FDFT1: variants seen among roughly 807,000 people sequenced by gnomAD.
FDFT1 encodes farnesyl-diphosphate farnesyltransferase 1.
In FDFT1, 68 loss-of-function variants were observed where a neutral mutation model predicts 46.8. That is an observed-to-expected ratio of 1.45 (90% CI 1.19 to 1.78). The LOEUF (loss-of-function observed/expected upper bound fraction) is 1.78, where lower values mean the gene tolerates loss of function less well. Among genes scored for constraint, FDFT1 ranks in the 40% most tolerant of loss-of-function variants. FDFT1 has a pLI of 0.00. For synonymous variants in FDFT1, 351 were observed against 185.1 expected, an observed-to-expected ratio of 1.90 and a Z score of -7.28; for missense variants, 928 against 524.4, an observed-to-expected ratio of 1.77 and a Z score of -7.52.
Position 11,838,778 on chromosome 8 carries a change from A to G in FDFT1, c.*169A>G, listed in dbSNP as rs1811929416. 3.2e-6 allele frequency: 2 copies of G among 623,654 alleles called. No individual in the cohort carries two copies. Among genetic ancestry groups the G allele is most frequent in the Non-Finnish European group, 5.7e-6 (2 of 352,592 alleles). The allele number at this position is 623,654 out of a possible 1,614,324, so 38.6% of individuals were successfully genotyped here. A position where few individuals can be genotyped will look rare whatever the true frequency, so the allele number is the denominator to read the frequency against. ...AAATGCAGGTGAGAAGAACCTAAAC[A>G]TGAAAGGAAAGGGTGCCTCATCCCA... On this transcript the variant is annotated 3_prime_UTR_variant, in exon 8 of 8. Coordinates refer to ENST00000220584, the MANE Select transcript of FDFT1 (RefSeq NM_004462.5).
At chr8:11,825,884 A>G (rs1038000092) in intron 4 of FDFT1, 140 bp from the exon 5 acceptor site, 7 of 464,054 alleles carry the variant, frequency 1.5e-5, no homozygotes, top group Non-Finnish European at 2.7e-5. Flanking sequence ...AAATCCTGGT[A>G]TGTATATTTG....
intron 1 of FDFT1, among the ~76,000 whole-genome samples, chr8:11,807,393 G>T (rs568808755): frequency 6.6e-6 from 1 of 152,264 alleles, no homozygotes; most frequent in Admixed American, 6.5e-5. Context: ...AAATTCCTGG[G>T]CTCAAGTGAT....
At chr8:11,835,971 T>TAAAAAA (rs755611965) in intron 7 of FDFT1, among the ~76,000 whole-genome samples, 7,820 of 63,780 alleles carry the variant, frequency 0.12, 1,525 homozygotes, top group East Asian at 0.47. Flanking sequence ...CTGTCTCTAC[T>TAAAAAA]AAAAAAAAAA....
At chr8:11,838,084 C>G (rs1274408348) in intron 7 of FDFT1, among the ~76,000 whole-genome samples, 1 of 152,192 alleles carries the variant, frequency 6.6e-6, no homozygotes, top group Non-Finnish European at 1.5e-5. Context: ...GGGCCTGGCA[C>G]TGTGAGGTGC....
intron 1 of FDFT1, among the ~76,000 whole-genome samples, chr8:11,804,251 T>G (rs1197871834): frequency 6.6e-6 from 1 of 152,236 alleles, no homozygotes; most frequent in South Asian, 2.1e-4. Context: ...CAGTCAGACC[T>G]CATTTGGGTC....
At chr8:11,795,809 C>T (rs11997632) in exon 1 of FDFT1, 1 of 152,068 alleles carries the variant, frequency 6.6e-6, no homozygotes, top group Non-Finnish European at 1.5e-5. Context: ...CGGTCTGCAG[C>T]TTCACTCCTG....
intron 1 of FDFT1, among the ~76,000 whole-genome samples, chr8:11,804,498 T>C (rs1371386780): frequency 6.6e-6 from 1 of 152,164 alleles, no homozygotes; most frequent in Non-Finnish European, 1.5e-5. Context: ...TCTGGGCAGT[T>C]TTTACATCCC....
chr8:11,812,706 T>C (rs928523418), intron 3 of FDFT1, among the ~76,000 whole-genome samples: 2 of 152,200 alleles, frequency 1.3e-5, no homozygotes, highest in Non-Finnish European at 2.9e-5. Context: ...TGTCCTCTTA[T>C]CCCAGGCCTT....
intron 3 of FDFT1, among the ~76,000 whole-genome samples, chr8:11,817,473 C>T (rs376485252): frequency 9.7e-4 from 147 of 152,184 alleles, no homozygotes; most frequent in South Asian, 6.6e-3. Flanking sequence ...TGGTAGAATT[C>T]GGCTGTGAAT....
intron 7 of FDFT1, among the ~76,000 whole-genome samples, chr8:11,837,719 G>C (rs778842487): frequency 6.6e-6 from 1 of 152,152 alleles, no homozygotes; most frequent in Admixed American, 6.5e-5. Context: ...TGGTGACAGT[G>C]TAGAGCAGAC....
At chr8:11,824,237 T>A (rs1809655871) in intron 4 of FDFT1, among the ~76,000 whole-genome samples, 1 of 152,160 alleles carries the variant, frequency 6.6e-6, no homozygotes, top group African/African-American at 2.4e-5. Context: ...TAATAGACAA[T>A]TATTGTATGT....
upstream of FDFT1, among the ~76,000 whole-genome samples, chr8:11,799,138 A>G (rs1294869768): frequency 2.0e-5 from 3 of 152,242 alleles, no homozygotes; most frequent in African/African-American, 4.8e-5. Flanking sequence ...TGAATGCATT[A>G]CAATTACACC....
intron 7 of FDFT1, among the ~76,000 whole-genome samples, chr8:11,836,693 C>T (rs1811578417): frequency 6.6e-6 from 1 of 152,236 alleles, no homozygotes; most frequent in Admixed American, 6.5e-5. Context: ...AGGATGACTT[C>T]TAATAGAATT....
chr8:11,795,728 G>A (rs1361643105), exon 1 of FDFT1: 1 of 152,170 alleles, frequency 6.6e-6, no homozygotes, highest in South Asian at 2.1e-4. Context: ...AAGCCAGTAA[G>A]ACAACGAACC....
rs1809901008 is a variant in FDFT1 at position 11,825,872 on chromosome 8, T to C, written c.511-152T>C. ...TGAGCACATCCTTCTTGAATGTTTT[T>C]TAAATCCTGGTATGTATATTTGTAT... On this transcript the variant is annotated intron_variant, in intron 4 of 7. Transcript: ENST00000220584. 2.0e-5 allele frequency: 9 copies of C among 443,618 alleles called. No individual in the cohort carries two copies. In the East Asian group the frequency reaches 2.7e-4, roughly 13 times the overall value. 27.5% of individuals were successfully genotyped at this position (443,618 alleles called of 1,614,324 possible). A position where few individuals can be genotyped will look rare whatever the true frequency, so the allele number is the denominator to read the frequency against.
chr8:11,830,134 C>T (rs1424147583), intron 5 of FDFT1, 110 bp from the exon 6 acceptor site: 21 of 915,708 alleles, frequency 2.3e-5, no homozygotes, highest in South Asian at 1.5e-4. Flanking sequence ...GCGTGAGCCA[C>T]GGCGCCCAGC....
chr8:11,830,601 C>G (rs1017173872), intron 6 of FDFT1, among the ~76,000 whole-genome samples, 181 bp downstream of exon 6: 2 of 152,176 alleles, frequency 1.3e-5, no homozygotes, highest in Admixed American at 6.5e-5. Flanking sequence ...TCAGCTCAGC[C>G]TTGAGGTTAA....
rs552831738 is a variant in FDFT1, at chr8:11,832,883, C to G, written c.1032+1213C>G. On this transcript the variant is annotated intron_variant, in intron 7 of 7. Transcript: ENST00000220584. ...TCCCTCCCCAGAGGTTACCTCTGTT[C>G]ATGGTTTTGTGCATCCGTCTAGTCC... Among the ~76,000 whole-genome samples, 262 of 152,284 alleles carry G rather than the reference C, an allele frequency of 1.7e-3. 2 individuals carry two copies. Among genetic ancestry groups the G allele is most frequent in the African/African-American group, 6.1e-3 (253 of 41,560 alleles).
Position 11,838,873 on chromosome 8 carries a change from T to G in FDFT1, c.*264T>G. 2.1e-6 allele frequency: 1 copy of G among 476,864 alleles called. No homozygotes were observed. The allele number at this position is 476,864 out of a possible 1,614,324, so 29.5% of individuals were successfully genotyped here. A position where few individuals can be genotyped will look rare whatever the true frequency, so the allele number is the denominator to read the frequency against. ...CATGGCAGAGCATTCAGTGCCACGG[T>G]TTAGGTGAAGTCGCTGCATATGTGA... On this transcript the variant is annotated 3_prime_UTR_variant, in exon 8 of 8. Transcript: ENST00000220584.
Sources: allele counts gnomAD v4.1 joint callset (sites outside exome capture counted in the v4.1 genomes callset), GRCh38; gene constraint gnomAD v4.1.1; transcripts MANE v1.5; gene names NCBI Gene and HGNC (gene_info 2026-07-23, HGNC 2026-07-21).